PRKRIP1: variants seen among roughly 807,000 people sequenced by gnomAD.
PRKRIP1 encodes the protein PRKR-interacting protein 1.
A neutral mutation model predicts 29.3 loss-of-function variants in PRKRIP1; 29 were observed. That is an observed-to-expected ratio of 0.99 (90% confidence interval 0.74 to 1.35). The LOEUF is 1.35. PRKRIP1 is among the 40% of genes most tolerant of loss of function. The pLI, the probability that PRKRIP1 is intolerant of heterozygous loss-of-function variation, is 0.00. For synonymous variants in PRKRIP1, 90 were observed against 85.1 expected, an observed-to-expected ratio of 1.06 and a Z score of -0.32; for missense variants, 247 against 236.8, an observed-to-expected ratio of 1.04 and a Z score of -0.28.
chr7:102,407,131 T>C (rs1796249877), intron 4 of PRKRIP1, among the ~76,000 whole-genome samples: 1 of 151,100 alleles, frequency 6.6e-6, no homozygotes, highest in South Asian at 2.1e-4. Context: ...AGGAGAATGG[T>C]GTGAACCCAG....
intron 5 of PRKRIP1, among the ~76,000 whole-genome samples, chr7:102,422,754 G>A (rs1796729189): frequency 6.6e-6 from 1 of 152,160 alleles, no homozygotes; most frequent in Non-Finnish European, 1.5e-5. Flanking sequence ...TGGGATTACA[G>A]GTGTGAGCCA....
At chr7:102,396,603 G>A (rs1795905358) in intron 1 of PRKRIP1, 66 bp downstream of exon 1, 2 of 1,526,784 alleles carry the variant, frequency 1.3e-6, no homozygotes, top group Middle Eastern at 2.0e-4. Context: ...GCGCTTCAGG[G>A]TTCCCGCAGG....
chr7:102,417,039 T>A (rs111652975), intron 5 of PRKRIP1, among the ~76,000 whole-genome samples: 3 of 152,058 alleles, frequency 2.0e-5, no homozygotes, highest in African/African-American at 7.2e-5. Context: ...GTATTTTTAG[T>A]AGAGACGGGG....
intron 5 of PRKRIP1, among the ~76,000 whole-genome samples, chr7:102,408,354 A>G (rs1419184380): frequency 6.6e-6 from 1 of 152,200 alleles, no homozygotes; most frequent in Non-Finnish European, 1.5e-5. Context: ...ACTCAAACCT[A>G]TCGTGATCCA....
At chr7:102,418,402 G>A (rs1796609481) in intron 5 of PRKRIP1, among the ~76,000 whole-genome samples, 1 of 152,120 alleles carries the variant, frequency 6.6e-6, no homozygotes, top group South Asian at 2.1e-4. Flanking sequence ...CCCAAGGTCT[G>A]GGGACTAGGC....
intron 5 of PRKRIP1, among the ~76,000 whole-genome samples, chr7:102,417,710 C>T (rs140812260): frequency 7.3e-5 from 11 of 151,088 alleles, no homozygotes; most frequent in African/African-American, 1.9e-4. Context: ...CCTCAAACTC[C>T]GGGCTCAAAC....
chr7:102,399,245 AT>A (rs1796001640), intron 2 of PRKRIP1, among the ~76,000 whole-genome samples: 2 of 152,228 alleles, frequency 1.3e-5, no homozygotes, highest in African/African-American at 4.8e-5. Flanking sequence ...CTCACTAGAA[AT>A]TTAGCGTGTC....
intron 1 of PRKRIP1, among the ~76,000 whole-genome samples, chr7:102,397,091 TCTGGAAAGCGTAGCC>T (rs1795925931): frequency 6.6e-6 from 1 of 152,014 alleles, no homozygotes. Context: ...TCAGTTCTGC[TCTGGAAAGCGTAGCC>T]CTGGGAAGGT....
intron 2 of PRKRIP1, 72 bp downstream of exon 2, chr7:102,397,770 G>T: frequency 6.8e-7 from 1 of 1,461,734 alleles, no homozygotes; most frequent in Non-Finnish European, 9.5e-7. Flanking sequence ...TATAGGCTGG[G>T]CGTGGTGGCT....
Position 102,425,063 on chromosome 7 carries a change from T to C in PRKRIP1, c.507T>C (p.Ser169=). The change falls in exon 6 of 6, where the codon TCT becomes TCC. Residue 169 remains serine, a synonymous_variant. Transcript: ENST00000397912. ...EQGSSSSAEA[S]GTEEEEEVPS... ...GGTCCAGCAGCTCTGCGGAGGCATCTGGAACAGAGGAGGAGGAGGAAGTGC... is the reference window on the plus strand; with the variant it reads ...GGTCCAGCAGCTCTGCGGAGGCATCCGGAACAGAGGAGGAGGAGGAAGTGC... The C allele has an allele frequency of 3.7e-6, 6 of 1,613,644 alleles. No homozygotes were observed. Among genetic ancestry groups the C allele is most frequent in the Non-Finnish European group, 5.1e-6 (6 of 1,179,920 alleles).
At position 102,426,534 on chromosome 7, in the gene PRKRIP1, C is replaced by T. The variant is rs1157607611; in HGVS notation, c.*1423C>T. On this transcript the variant is annotated 3_prime_UTR_variant, in exon 6 of 6. Transcript: ENST00000397912. The stretch of plus-strand genomic sequence containing the variant: ...TTTACTTCTGTAGTGTAGATTGCCC[C>T]GGCCCCTCTCTGAGCCCTGTAGCAT... 1 of 146,590 alleles carries T rather than the reference C, an allele frequency of 6.8e-6. No individual in the cohort carries two copies. Among genetic ancestry groups the T allele is most frequent in the Non-Finnish European group, 1.5e-5 (1 of 65,382 alleles). The allele number at this position is 146,590 out of a possible 1,614,324, so 9.1% of individuals were successfully genotyped here. A position where few individuals can be genotyped will look rare whatever the true frequency, so the allele number is the denominator to read the frequency against.
intron 2 of PRKRIP1, among the ~76,000 whole-genome samples, chr7:102,398,219 T>C (rs554108845): frequency 2.4e-4 from 37 of 152,326 alleles, no homozygotes; most frequent in South Asian, 6.2e-4. Flanking sequence ...AGGGCTATAG[T>C]TGCTTATGGT....
At chr7:102,409,209 C>T (rs782288163) in intron 5 of PRKRIP1, among the ~76,000 whole-genome samples, 13 of 152,038 alleles carry the variant, frequency 8.6e-5, no homozygotes, top group Non-Finnish European at 1.8e-4. Flanking sequence ...TTGGCCACTT[C>T]TAGGAACCAC....
In PRKRIP1 at chr7:102,425,753, G is replaced by T. The variant is rs782011627; in HGVS notation, c.*642G>T. 1 of 159,404 alleles carries T rather than the reference G, an allele frequency of 6.3e-6. No homozygotes were observed. The highest frequency in any genetic ancestry group is 1.4e-5 in the Non-Finnish European group (1 of 72,066). The allele number at this position is 159,404 out of a possible 1,614,324, so 9.9% of individuals were successfully genotyped here. ...AGGGGCTGGGTCACAAGGGCACAGGGTGTGTGGAAAGCGCTGTGGGGGAAG... is the reference window on the plus strand; with the variant it reads ...AGGGGCTGGGTCACAAGGGCACAGGTTGTGTGGAAAGCGCTGTGGGGGAAG... On this transcript the variant is annotated 3_prime_UTR_variant, in exon 6 of 6. Coordinates refer to ENST00000397912, the MANE Select transcript of PRKRIP1 (RefSeq NM_024653.4).
In PRKRIP1 at chr7:102,404,608, A is replaced by T; in HGVS notation, c.317A>T (p.Asp106Val). Residue 106 changes from aspartate to valine, a missense_variant, in exon 4 of 6, where the codon GAT becomes GTT. Transcript: ENST00000397912. ...TGGGTTTTGTTGCAGCAAAAATTGGATGCAGAGTTTCAGAAAAGACTGGAA... is the reference window on the plus strand; with the variant it reads ...TGGGTTTTGTTGCAGCAAAAATTGGTTGCAGAGTTTCAGAAAAGACTGGAA... ...MDAMAEKQKLDAEFQKRLEKN... is the reference protein window; with the variant it reads ...MDAMAEKQKLVAEFQKRLEKN... 2 of 1,613,766 alleles carry T rather than the reference A, an allele frequency of 1.2e-6. No individual in the cohort carries two copies. Among genetic ancestry groups the T allele is most frequent in the Non-Finnish European group, 1.7e-6 (2 of 1,179,758 alleles).
intron 5 of PRKRIP1, among the ~76,000 whole-genome samples, chr7:102,414,044 A>G (rs1056920029): frequency 6.6e-6 from 1 of 152,162 alleles, no homozygotes; most frequent in Non-Finnish European, 1.5e-5. Flanking sequence ...CCCAGCCAAC[A>G]TGGTGAAACC....
At chr7:102,403,842 G>C (rs1174609773) in intron 3 of PRKRIP1, among the ~76,000 whole-genome samples, 2 of 152,180 alleles carry the variant, frequency 1.3e-5, no homozygotes, top group Non-Finnish European at 2.9e-5. Flanking sequence ...AGCAGGTCAT[G>C]GCAGCAGATG....
chr7:102,418,553 CAT>C (rs1303622891), intron 5 of PRKRIP1, among the ~76,000 whole-genome samples: 1 of 152,176 alleles, frequency 6.6e-6, no homozygotes, highest in East Asian at 1.9e-4. Flanking sequence ...ATTACACTAA[CAT>C]GAGTTCATAC....
At chr7:102,412,114 A>G (rs1554572604) in intron 5 of PRKRIP1, among the ~76,000 whole-genome samples, 1 of 151,508 alleles carries the variant, frequency 6.6e-6, no homozygotes. Flanking sequence ...AACTCCACCC[A>G]CCTCGGCCTC....
Sources: gnomAD v4.1 joint callset for allele counts (sites outside exome capture counted in the v4.1 genomes callset) on GRCh38, gnomAD v4.1.1 for gene constraint, MANE v1.5 for transcripts, NCBI Gene and HGNC (gene_info 2026-07-23, HGNC 2026-07-21) for gene names.